Variants in KLF12 observed in about 807,000 individuals in gnomAD.
The protein encoded by KLF12 is Krueppel-like factor 12.
KLF12 carries 9 observed loss-of-function variants against 37.8 expected under a neutral mutation model. The ratio of observed to expected loss-of-function variants is 0.24; its 90% CI spans 0.14 to 0.42. The LOEUF (loss-of-function observed/expected upper bound fraction) is 0.42, where lower values mean the gene tolerates loss of function less well. Among genes scored for constraint, KLF12 ranks in the 10% least tolerant of loss-of-function variants. The pLI is 1.00. For missense variants in KLF12, 411 were observed against 516.0 expected (o/e 0.80, Z 1.97); for synonymous variants, 208 against 202.1 (o/e 1.03, Z -0.25).
intron 2 of KLF12, among the ~76,000 whole-genome samples, chr13:73,950,469 T>C (rs1890603931): frequency 6.6e-6 from 1 of 152,236 alleles, no homozygotes. Context: ...CAAATTGTAC[T>C]AGAAAAGTAT....
At chr13:74,026,321 T>G (rs1489113504) in intron 1 of KLF12, among the ~76,000 whole-genome samples, 1 of 152,196 alleles carries the variant, frequency 6.6e-6, no homozygotes, top group African/African-American at 2.4e-5. Flanking sequence ...CAACCTCTTT[T>G]TAGTTGCATG....
upstream of KLF12, among the ~76,000 whole-genome samples, chr13:74,134,688 G>A (rs1226253273): frequency 1.3e-5 from 2 of 152,092 alleles, no homozygotes; most frequent in African/African-American, 2.4e-5. Flanking sequence ...GGGGCTTGCG[G>A]CGGGAGGGAC....
intron 3 of KLF12, among the ~76,000 whole-genome samples, chr13:73,900,470 T>A (rs1374877673): frequency 6.6e-6 from 1 of 152,202 alleles, no homozygotes; most frequent in African/African-American, 2.4e-5. Context: ...ATTTTTTCAG[T>A]ACATTATAGC....
the KLF12 span, among the ~76,000 whole-genome samples, chr13:74,219,105 C>A: frequency 6.6e-6 from 1 of 152,026 alleles, no homozygotes; most frequent in Non-Finnish European, 1.5e-5. Flanking sequence ...TACAGGTGCA[C>A]ACCACCTTGC....
chr13:74,204,020 G>A, the KLF12 span, among the ~76,000 whole-genome samples: 1 of 152,088 alleles, frequency 6.6e-6, no homozygotes, highest in Non-Finnish European at 1.5e-5. Flanking sequence ...CTCCACAAAA[G>A]CACAAAGATG....
At chr13:73,940,872 T>G (rs1328403293) in intron 3 of KLF12, among the ~76,000 whole-genome samples, 1 of 152,146 alleles carries the variant, frequency 6.6e-6, no homozygotes, top group Non-Finnish European at 1.5e-5. Context: ...CTCTGAAATG[T>G]GCTCCTCAGG....
intron 1 of KLF12, among the ~76,000 whole-genome samples, chr13:74,130,571 C>A (rs1045704361): frequency 1.3e-5 from 2 of 151,464 alleles, no homozygotes; most frequent in South Asian, 2.1e-4. Flanking sequence ...GTGGGAGGAT[C>A]CCTTGAGCCC....
chr13:73,797,316 C>T (rs1882034279), intron 5 of KLF12, among the ~76,000 whole-genome samples: 1 of 152,176 alleles, frequency 6.6e-6, no homozygotes, highest in Non-Finnish European at 1.5e-5. Flanking sequence ...CCTTCACTCA[C>T]CTCTCTTAGC....
chr13:74,170,797 C>T, the KLF12 span, among the ~76,000 whole-genome samples: 2 of 152,214 alleles, frequency 1.3e-5, no homozygotes, highest in Admixed American at 6.5e-5. Context: ...CGGAGTCTCA[C>T]TCTGTCACTC....
At chr13:73,843,496 A>G (rs1566410220) in intron 4 of KLF12, among the ~76,000 whole-genome samples, 1 of 151,836 alleles carries the variant, frequency 6.6e-6, no homozygotes, top group South Asian at 2.1e-4. Context: ...TTTAGTAGAG[A>G]TCGGGTTTCA....
At chr13:74,030,575 C>T (rs537246307) in intron 1 of KLF12, among the ~76,000 whole-genome samples, 13 of 152,190 alleles carry the variant, frequency 8.5e-5, no homozygotes, top group African/African-American at 2.2e-4. Flanking sequence ...TTTCCTCCCA[C>T]GCTCTCTCTC....
At chr13:73,785,249 G>A (rs1881268814) in intron 5 of KLF12, among the ~76,000 whole-genome samples, 4 of 151,754 alleles carry the variant, frequency 2.6e-5, no homozygotes. Flanking sequence ...CAAGTAGCTG[G>A]AACTACAGGT....
At chr13:73,827,553 A>G (rs556163711) in intron 4 of KLF12, among the ~76,000 whole-genome samples, 1 of 152,084 alleles carries the variant, frequency 6.6e-6, no homozygotes, top group South Asian at 2.1e-4. Flanking sequence ...AGAATTTTTT[A>G]TTTCTATTTT....
chr13:73,744,042 A>T (rs769538503), intron 6 of KLF12, among the ~76,000 whole-genome samples: 1 of 152,236 alleles, frequency 6.6e-6, no homozygotes, highest in Non-Finnish European at 1.5e-5. Flanking sequence ...ATGTAAGAAA[A>T]GTTCTACATC....
the KLF12 span, among the ~76,000 whole-genome samples, chr13:74,241,470 A>G: frequency 6.6e-6 from 1 of 152,024 alleles, no homozygotes; most frequent in East Asian, 1.9e-4. Context: ...GGTGGGCTCC[A>G]CCCAGTTCGA....
intron 6 of KLF12, among the ~76,000 whole-genome samples, chr13:73,721,328 G>A (rs9565035): frequency 6.6e-6 from 1 of 151,782 alleles, no homozygotes; most frequent in Non-Finnish European, 1.5e-5. Context: ...TATGATAGAA[G>A]GGGAAAAAGC....
chr13:73,989,835 A>T (rs942026836), intron 2 of KLF12, among the ~76,000 whole-genome samples: 1 of 152,168 alleles, frequency 6.6e-6, no homozygotes, highest in Non-Finnish European at 1.5e-5. Context: ...TCACAGGAGA[A>T]ATAACCCAAG....
the KLF12 span, among the ~76,000 whole-genome samples, chr13:74,155,763 GC>G: frequency 3.9e-5 from 6 of 152,132 alleles, no homozygotes; most frequent in Non-Finnish European, 7.3e-5. Context: ...TAAATCTTCC[GC>G]TGGTGATATA....
At chr13:74,047,116 C>G (rs943047764) in intron 1 of KLF12, among the ~76,000 whole-genome samples, 7 of 152,134 alleles carry the variant, frequency 4.6e-5, no homozygotes, top group African/African-American at 1.7e-4. Flanking sequence ...ACCAGTCCTC[C>G]TCTATGCCAG....
Sources: allele counts gnomAD v4.1 joint callset (sites outside exome capture counted in the v4.1 genomes callset), GRCh38; gene constraint gnomAD v4.1.1; transcripts MANE v1.5; gene names NCBI Gene and HGNC (gene_info 2026-07-23, HGNC 2026-07-21).